The following CLMP variants were observed in gnomAD, a reference collection of about 807,000 sequenced individuals.
The protein encoded by CLMP is CXADR like cell adhesion molecule.
CLMP carries 27 observed loss-of-function variants against 45.2 expected under a neutral mutation model. The observed-to-expected ratio is 0.60, with a 90% CI of 0.44 to 0.82. CLMP has a LOEUF of 0.82. Ranked by LOEUF, CLMP falls within the 40% of genes least tolerant of loss-of-function variation. The probability of loss-of-function intolerance (pLI) is 0.00; values close to 1 mark genes in which losing one functional copy is unlikely to be tolerated. For synonymous variants in CLMP, 167 were observed against 171.4 expected, an observed-to-expected ratio of 0.97 and a Z score of 0.20; for missense variants, 403 against 448.4, an observed-to-expected ratio of 0.90 and a Z score of 0.91.
chr11:123,110,961 A>G (rs990786644), intron 1 of CLMP, among the ~76,000 whole-genome samples: 1 of 152,190 alleles, frequency 6.6e-6, no homozygotes, highest in African/African-American at 2.4e-5. Context: ...GTTAAACCCA[A>G]TATTTAATGT....
chr11:123,139,041 G>T (rs1036349625), intron 1 of CLMP, among the ~76,000 whole-genome samples: 4 of 152,002 alleles, frequency 2.6e-5, no homozygotes, highest in Non-Finnish European at 4.4e-5. Context: ...TTTAAGTTCC[G>T]TGTCTATAAA....
At chr11:123,162,675 C>T (rs995465027) in intron 1 of CLMP, among the ~76,000 whole-genome samples, 5 of 151,608 alleles carry the variant, frequency 3.3e-5, no homozygotes, top group African/African-American at 1.2e-4. Context: ...GTGGGCGGAT[C>T]GCTTGAGCTC....
chr11:123,171,165 T>G (rs1182150514), intron 1 of CLMP, among the ~76,000 whole-genome samples: 1 of 151,808 alleles, frequency 6.6e-6, no homozygotes, highest in Non-Finnish European at 1.5e-5. Context: ...GGGGAAAGGG[T>G]GTCATTCTAA....
chr11:123,123,291 GCT>G (rs1270639025), intron 1 of CLMP, among the ~76,000 whole-genome samples: 1 of 113,340 alleles, frequency 8.8e-6, no homozygotes, highest in African/African-American at 3.6e-5. Flanking sequence ...ACAGAGTCTT[GCT>G]CTGTCACTCA....
intron 1 of CLMP, among the ~76,000 whole-genome samples, chr11:123,182,029 TAG>T (rs1861776576): frequency 1.3e-5 from 2 of 152,244 alleles, no homozygotes; most frequent in African/African-American, 4.8e-5. Context: ...TCCGCAATCC[TAG>T]AAATACAAAT....
intron 1 of CLMP, among the ~76,000 whole-genome samples, chr11:123,129,588 A>ATTATATAGTATATAATATATATTATAT (rs1860954897): frequency 7.1e-6 from 1 of 140,790 alleles, no homozygotes; most frequent in Non-Finnish European, 1.5e-5. Flanking sequence ...ATATATTGTA[A>ATTATATAGTATATAATATATATTATAT]TTATATAGTA....
chr11:123,176,197 G>A (rs1861697428), intron 1 of CLMP, among the ~76,000 whole-genome samples: 1 of 152,068 alleles, frequency 6.6e-6, no homozygotes, highest in Non-Finnish European at 1.5e-5. Flanking sequence ...TTCTTTTTAG[G>A]AATAATTTTA....
intron 1 of CLMP, chr11:123,191,636 A>T (rs1861909311): frequency 6.6e-6 from 1 of 152,228 alleles, no homozygotes; most frequent in Admixed American, 6.5e-5. Flanking sequence ...TATTTGCATT[A>T]ATAGACAAGG....
intron 5 of CLMP, among the ~76,000 whole-genome samples, chr11:123,082,788 G>C (rs1865820891): frequency 6.6e-6 from 1 of 151,802 alleles, no homozygotes; most frequent in Non-Finnish European, 1.5e-5. Context: ...TTGTATTTTA[G>C]TAGAAACGGG....
chr11:123,086,038 A>G (rs772405102), intron 2 of CLMP, among the ~76,000 whole-genome samples: 1 of 151,952 alleles, frequency 6.6e-6, no homozygotes, highest in African/African-American at 2.4e-5. Context: ...CAGCCTCCCA[A>G]AGTGCTGGGA....
intron 1 of CLMP, among the ~76,000 whole-genome samples, chr11:123,157,694 ACT>A (rs1404726460): frequency 1.6e-4 from 22 of 140,434 alleles, no homozygotes; most frequent in African/African-American, 5.7e-4. Flanking sequence ...TCGCCACTTC[ACT>A]CTAGCCTGGG....
intron 1 of CLMP, among the ~76,000 whole-genome samples, chr11:123,170,877 A>G (rs1040319588): frequency 6.6e-6 from 1 of 152,182 alleles, no homozygotes; most frequent in African/African-American, 2.4e-5. Context: ...TCTGTTCATC[A>G]CGGGGCGAGG....
intron 1 of CLMP, among the ~76,000 whole-genome samples, chr11:123,139,837 A>G (rs1160237676): frequency 1.3e-5 from 2 of 149,828 alleles, no homozygotes; most frequent in East Asian, 3.8e-4. Context: ...AAATAAAATA[A>G]AATAGAATAA....
intron 1 of CLMP, among the ~76,000 whole-genome samples, chr11:123,126,666 G>C (rs940654865): frequency 6.6e-6 from 1 of 152,132 alleles, no homozygotes; most frequent in South Asian, 2.1e-4. Flanking sequence ...GGGAGGCCGA[G>C]GTGGGTGGAT....
intron 1 of CLMP, among the ~76,000 whole-genome samples, chr11:123,131,835 C>T (rs1474761471): frequency 4.6e-5 from 7 of 152,168 alleles, no homozygotes; most frequent in East Asian, 3.9e-4. Context: ...AGGCTGGTTT[C>T]GAACTCCTAA....
At chr11:123,165,853 C>T (rs1371607717) in intron 1 of CLMP, among the ~76,000 whole-genome samples, 6 of 152,122 alleles carry the variant, frequency 3.9e-5, no homozygotes, top group African/African-American at 7.2e-5. Flanking sequence ...GAAGATACCA[C>T]GGGAAGCAAG....
chr11:123,120,755 T>A (rs1860803280), intron 1 of CLMP, among the ~76,000 whole-genome samples: 1 of 152,088 alleles, frequency 6.6e-6, no homozygotes, highest in African/African-American at 2.4e-5. Flanking sequence ...AATCACAGGG[T>A]TCCTTGCATA....
intron 1 of CLMP, among the ~76,000 whole-genome samples, chr11:123,114,259 C>T (rs1860687572): frequency 1.3e-5 from 2 of 152,158 alleles, no homozygotes; most frequent in South Asian, 4.1e-4. Context: ...GACAAATCCT[C>T]AATTCAGCCT....
chr11:123,099,930 T>C (rs1214345638), intron 1 of CLMP, among the ~76,000 whole-genome samples: 1 of 152,142 alleles, frequency 6.6e-6, no homozygotes, highest in Non-Finnish European at 1.5e-5. Flanking sequence ...GAAAATGCTA[T>C]TAGATTTTTC....
Sources: gnomAD v4.1 joint callset for allele counts (sites outside exome capture counted in the v4.1 genomes callset) on GRCh38, gnomAD v4.1.1 for gene constraint, MANE v1.5 for transcripts, NCBI Gene and HGNC (gene_info 2026-07-23, HGNC 2026-07-21) for gene names.